Variants in ZNHIT6 observed in about 807,000 individuals in gnomAD.
The protein encoded by ZNHIT6 is zinc finger HIT-type containing 6, also known as box C/D snoRNA protein 1.
In ZNHIT6, 45 loss-of-function variants were observed where a neutral mutation model predicts 57.2. The ratio of observed to expected loss-of-function variants is 0.79; its 90% CI spans 0.62 to 1.01. The LOEUF (loss-of-function observed/expected upper bound fraction) is 1.01, where lower values mean the gene tolerates loss of function less well. ZNHIT6 is among the 50% of genes least tolerant of loss of function. The pLI, the probability that ZNHIT6 is intolerant of heterozygous loss-of-function variation, is 0.00. For missense variants in ZNHIT6, 528 were observed against 567.3 expected (o/e 0.93, Z 0.70); for synonymous variants, 188 against 190.0 (o/e 0.99, Z 0.09).
chr1:85,665,342 C>T (rs1410349212), intron 8 of ZNHIT6, among the ~76,000 whole-genome samples: 1 of 151,728 alleles, frequency 6.6e-6, no homozygotes, highest in Admixed American at 6.6e-5. Context: ...CCAGGCTGGT[C>T]TCAAACTCCT....
chr1:85,667,634 A>G (rs1181353781), intron 8 of ZNHIT6, among the ~76,000 whole-genome samples: 2 of 151,328 alleles, frequency 1.3e-5, no homozygotes, highest in African/African-American at 4.9e-5. Context: ...CCATTAAAAA[A>G]AAAAAAAAAG....
rs1024080291 is a variant in ZNHIT6 at position 85,706,296 on chromosome 1, G to A, written c.782C>T (p.Thr261Ile). 1.2e-6 allele frequency: 2 copies of A among 1,612,960 alleles called. No homozygotes were observed. Among genetic ancestry groups the A allele is most frequent in the East Asian group, 2.2e-5 (1 of 44,848 alleles). Residue 261 changes from threonine to isoleucine, a missense_variant, in exon 3 of 10, where the codon ACT becomes ATT. Transcript: ENST00000370574. ...AAACTGTTGTATTGAAATGTATGCA[G>A]TTTTATCTCGAACTCCATTACATGT... ...ELTCNGVRDK[T>I]AYISIQQFTE... is the part of the protein sequence containing the mutation.
chr1:85,658,803 G>A (rs1011967280), intron 8 of ZNHIT6, among the ~76,000 whole-genome samples: 3 of 151,826 alleles, frequency 2.0e-5, no homozygotes, highest in Non-Finnish European at 2.9e-5. Flanking sequence ...TCCAGGAGGC[G>A]GAGGCTGCAG....
intron 5 of ZNHIT6, among the ~76,000 whole-genome samples, chr1:85,693,226 CAA>C (rs1662266628): frequency 6.6e-6 from 1 of 151,850 alleles, no homozygotes; most frequent in South Asian, 2.1e-4. Context: ...TTAGTCCACA[CAA>C]AAGAGTCCAA....
intron 8 of ZNHIT6, among the ~76,000 whole-genome samples, chr1:85,673,985 C>T (rs1395911728): frequency 6.6e-6 from 1 of 152,096 alleles, no homozygotes; most frequent in Admixed American, 6.6e-5. Context: ...TTGTGGCTGA[C>T]CTAATAATCA....
At chr1:85,669,733 C>A (rs192552657) in intron 8 of ZNHIT6, among the ~76,000 whole-genome samples, 79 of 152,264 alleles carry the variant, frequency 5.2e-4, no homozygotes, top group African/African-American at 1.2e-3. Context: ...ATGATTAAGT[C>A]TGGAGTGTCC....
chr1:85,683,979 C>T (rs987900221), intron 5 of ZNHIT6, among the ~76,000 whole-genome samples: 4 of 152,060 alleles, frequency 2.6e-5, no homozygotes, highest in African/African-American at 9.7e-5. Flanking sequence ...CAAATGTCCC[C>T]TGGAAGCAGA....
intron 5 of ZNHIT6, among the ~76,000 whole-genome samples, chr1:85,698,768 T>C (rs1303327925): frequency 2.6e-5 from 4 of 152,124 alleles, no homozygotes; most frequent in Non-Finnish European, 5.9e-5. Context: ...ATAGTCATTA[T>C]TTACCCATTA....
intron 8 of ZNHIT6, among the ~76,000 whole-genome samples, chr1:85,676,768 T>G (rs61783744): frequency 0.024 from 3,630 of 152,320 alleles, 63 homozygotes; most frequent in Non-Finnish European, 0.04. Context: ...GTGTTACTAC[T>G]GTATCACAGG....
At chr1:85,682,058 G>C (rs1472004410) in intron 5 of ZNHIT6, among the ~76,000 whole-genome samples, 3 of 140,506 alleles carry the variant, frequency 2.1e-5, no homozygotes, top group African/African-American at 7.9e-5. Flanking sequence ...CTGTTGCCCA[G>C]GCTAGAGTGC....
chr1:85,695,543 G>GAA (rs1245719067), intron 5 of ZNHIT6, among the ~76,000 whole-genome samples: 1 of 152,022 alleles, frequency 6.6e-6, no homozygotes, highest in Non-Finnish European at 1.5e-5. Context: ...TTCAGCTTCA[G>GAA]AAAAAAACAA....
chr1:85,668,422 A>G (rs1661448986), intron 8 of ZNHIT6, among the ~76,000 whole-genome samples: 1 of 152,176 alleles, frequency 6.6e-6, no homozygotes, highest in African/African-American at 2.4e-5. Context: ...TCCCATCTAG[A>G]GAGCAAGCTC....
At chr1:85,688,577 A>G (rs1376834723) in intron 5 of ZNHIT6, among the ~76,000 whole-genome samples, 1 of 152,138 alleles carries the variant, frequency 6.6e-6, no homozygotes, top group East Asian at 1.9e-4. Flanking sequence ...ATCCTTCGTA[A>G]TCCATAACCA....
intron 8 of ZNHIT6, among the ~76,000 whole-genome samples, chr1:85,666,329 A>C (rs186913645): frequency 6.6e-6 from 1 of 152,216 alleles, no homozygotes; most frequent in Non-Finnish European, 1.5e-5. Context: ...ATTCTATAAC[A>C]TAACAAGGAT....
At position 85,708,135 on chromosome 1, in the gene ZNHIT6, C is replaced by T. The variant is rs1570343202; in HGVS notation, c.150G>A (p.Gly50=). The T allele has an allele frequency of 1.2e-6, 2 of 1,614,182 alleles. No homozygotes were observed. The highest frequency in any genetic ancestry group is 1.7e-6 in the Non-Finnish European group (2 of 1,180,044). Residue 50 remains glycine (G), a synonymous_variant, in exon 1 of 10, where the codon GGG becomes GGA. Coordinates refer to ENST00000370574, the MANE Select transcript of ZNHIT6 (RefSeq NM_017953.4). ...EEFGGGEEGT[G]LTGIKEIGDG... ...CCCCTATCTCCTTTATCCCTGTCAG[C>T]CCTGTCCCCTCCTCTCCGCCGCCGA...
At chr1:85,658,089 T>C in intron 8 of ZNHIT6, 118 bp from the exon 9 acceptor site, 1 of 628,248 alleles carries the variant, frequency 1.6e-6, no homozygotes, top group Non-Finnish European at 2.5e-6. Flanking sequence ...GACAATTCAG[T>C]AGTTACTTCC....
chr1:85,703,181 G>C (rs1194252309), intron 4 of ZNHIT6, among the ~76,000 whole-genome samples: 3 of 152,068 alleles, frequency 2.0e-5, no homozygotes, highest in Non-Finnish European at 1.5e-5. Flanking sequence ...TTCAGGATAA[G>C]GGTGAACCAG....
intron 9 of ZNHIT6, among the ~76,000 whole-genome samples, 174 bp from the exon 10 acceptor site, chr1:85,654,272 A>G (rs546323006): frequency 1.3e-5 from 2 of 152,322 alleles, no homozygotes; most frequent in East Asian, 3.9e-4. Flanking sequence ...CAATAAATAG[A>G]GAAATGATGT....
chr1:85,702,219 G>A lies in ZNHIT6; in HGVS notation c.957C>T (p.Asn319=). The A allele has an allele frequency of 6.2e-7, 1 of 1,609,308 alleles. No individual in the cohort carries two copies. Among genetic ancestry groups the A allele is most frequent in the Non-Finnish European group, 8.5e-7 (1 of 1,178,706 alleles). The change falls in exon 5 of 10, where the codon AAC becomes AAT. Residue 319 remains asparagine, a synonymous_variant. Coordinates refer to ENST00000370574, the MANE Select transcript of ZNHIT6 (RefSeq NM_017953.4). ...MKNRARRQGI[N]LKLLPNGFTK... ...TGAATCCATTGGGTAGAAGTTTTAA[G>A]TTAATACCTTGCCTCCGGGCACGAT... is the stretch of plus-strand genomic sequence containing the variant.
Sources: allele counts gnomAD v4.1 joint callset (sites outside exome capture counted in the v4.1 genomes callset), GRCh38; gene constraint gnomAD v4.1.1; transcripts MANE v1.5; gene names NCBI Gene and HGNC (gene_info 2026-07-23, HGNC 2026-07-21).